Variants in ROBO2 observed in about 807,000 individuals in gnomAD.
ROBO2 encodes the protein roundabout homolog 2.
In ROBO2, 53 loss-of-function variants were observed where a neutral mutation model predicts 160.8. The observed-to-expected ratio is 0.33, with a 90% confidence interval of 0.26 to 0.41. The LOEUF (loss-of-function observed/expected upper bound fraction) is 0.41, where lower values mean the gene tolerates loss of function less well. ROBO2 is among the 10% of genes least tolerant of loss of function. The pLI, the probability that ROBO2 is intolerant of heterozygous loss-of-function variation, is 1.00. For synonymous variants in ROBO2, 664 were observed against 611.7 expected, an observed-to-expected ratio of 1.09 and a Z score of -1.26; for missense variants, 1,577 against 1,722.4, an observed-to-expected ratio of 0.92 and a Z score of 1.49.
At chr3:76,534,036 A>G (rs2082365087) in intron 2 of ROBO2, among the ~76,000 whole-genome samples, 3 of 152,158 alleles carry the variant, frequency 2.0e-5, no homozygotes, top group Admixed American at 6.5e-5. Context: ...CAGCTCAGAG[A>G]CCTAACATTC....
chr3:77,325,673 A>G (rs1287291171), intron 2 of ROBO2, among the ~76,000 whole-genome samples: 1 of 152,212 alleles, frequency 6.6e-6, no homozygotes, highest in Non-Finnish European at 1.5e-5. Context: ...GATAATGGAG[A>G]AAGAAAACTC....
chr3:76,555,381 G>GAAGAAGAAGAAGAAGAAGAA (rs2083673165), intron 2 of ROBO2, among the ~76,000 whole-genome samples: 1 of 60,058 alleles, frequency 1.7e-5, no homozygotes, highest in African/African-American at 3.2e-5. Flanking sequence ...AGAAGAAGAA[G>GAAGAAGAAGAAGAAGAAGAA]AAGAAGAAGA....
chr3:76,664,334 G>A (rs2091939637), intron 2 of ROBO2, among the ~76,000 whole-genome samples: 1 of 152,078 alleles, frequency 6.6e-6, no homozygotes, highest in Non-Finnish European at 1.5e-5. Context: ...TTCAAGGTGA[G>A]GGAAGAAAAA....
intron 2 of ROBO2, among the ~76,000 whole-genome samples, chr3:76,630,214 G>T (rs60493168): frequency 0.31 from 47,639 of 152,114 alleles, 8,446 homozygotes; most frequent in Middle Eastern, 0.42. Context: ...TCACAAAGAT[G>T]TGCATGTTAG....
rs927485858 is a variant in ROBO2, at chr3:77,408,935, T to C, written c.389-68479T>C. Among the ~76,000 whole-genome samples the C allele has an allele frequency of 5.3e-5, 8 of 152,062 alleles. No homozygotes were observed. In the East Asian group the frequency reaches 1.5e-3, roughly 29 times the overall value. On this transcript the variant is annotated intron_variant, in intron 2 of 25. Transcript: ENST00000461745. ...TTTTTATAGAGGTAGGTCCTTGCTT[T>C]GTTGCCCAGGCTAGTCTCAAACTCA...
chr3:76,051,417 T>C (rs1012063766), intron 2 of ROBO2, among the ~76,000 whole-genome samples: 27 of 152,154 alleles, frequency 1.8e-4, no homozygotes, highest in African/African-American at 6.0e-4. Flanking sequence ...CACATGTATA[T>C]TACACATGGA....
chr3:76,212,859 T>TCTCTCG (rs1403576647), intron 2 of ROBO2, among the ~76,000 whole-genome samples: 14 of 151,250 alleles, frequency 9.3e-5, no homozygotes, highest in Non-Finnish European at 1.8e-4. Flanking sequence ...TCTCTCTCTC[T>TCTCTCG]CTCTCAGTTT....
At position 77,099,245 on chromosome 3, in the gene ROBO2, AGTAGAGACGGG is replaced by A. The variant is rs1381948208; in HGVS notation, c.388+908_388+918del. Among the ~76,000 whole-genome samples the A allele has an allele frequency of 2.0e-5, 3 of 151,810 alleles. No individual in the cohort carries two copies. The East Asian group carries it at 5.9e-4, about 30-fold the overall frequency. On this transcript the variant is annotated intron_variant, in intron 2 of 25. Transcript: ENST00000461745. ...AGGCCCAGCTAATTTTTGTATTTTT[AGTAGAGACGGG>A]GTTTCACCGTGTTGCCCAGGCTGGT...
At chr3:76,624,314 G>C (rs903589434) in intron 2 of ROBO2, among the ~76,000 whole-genome samples, 2 of 152,124 alleles carry the variant, frequency 1.3e-5, no homozygotes, top group African/African-American at 4.8e-5. Flanking sequence ...TCTCAGCTGA[G>C]TCCCTTCCGG....
chr3:76,537,800 G>A (rs959973342), intron 2 of ROBO2, among the ~76,000 whole-genome samples: 2 of 152,252 alleles, frequency 1.3e-5, no homozygotes, highest in African/African-American at 4.8e-5. Context: ...AGATAGGGGA[G>A]GGGCAGCTTT....
intron 2 of ROBO2, among the ~76,000 whole-genome samples, chr3:76,108,382 C>T (rs1472146655): frequency 1.3e-5 from 2 of 151,922 alleles, no homozygotes; most frequent in Non-Finnish European, 2.9e-5. Flanking sequence ...CATTGAATAT[C>T]ATCACTGTAA....
chr3:77,188,275 T>C (rs1204019030), intron 2 of ROBO2, among the ~76,000 whole-genome samples: 1 of 144,650 alleles, frequency 6.9e-6, no homozygotes, highest in Non-Finnish European at 1.5e-5. Flanking sequence ...AATTAATGTA[T>C]AGGATATTTT....
At chr3:77,277,092 AG>A (rs1385876679) in intron 2 of ROBO2, among the ~76,000 whole-genome samples, 2 of 151,806 alleles carry the variant, frequency 1.3e-5, no homozygotes, top group Admixed American at 6.6e-5. Flanking sequence ...AAAAAGAAAA[AG>A]AGAGAGAGAG....
At chr3:77,455,921 T>C (rs1420736291) in intron 2 of ROBO2, among the ~76,000 whole-genome samples, 1 of 152,214 alleles carries the variant, frequency 6.6e-6, no homozygotes, top group Non-Finnish European at 1.5e-5. Context: ...CAGTTAAATA[T>C]TCCTAAATGT....
At chr3:76,187,764 T>G (rs1181165079) in intron 2 of ROBO2, among the ~76,000 whole-genome samples, 2 of 152,116 alleles carry the variant, frequency 1.3e-5, no homozygotes, top group East Asian at 3.9e-4. Context: ...TATGTCCACC[T>G]CTTTTTACCT....
intron 2 of ROBO2, among the ~76,000 whole-genome samples, chr3:77,006,351 G>C (rs1427836041): frequency 1.4e-5 from 2 of 147,492 alleles, no homozygotes; most frequent in Non-Finnish European, 3.0e-5. Flanking sequence ...GTTCAAGAAA[G>C]CTGTCTGATT....
chr3:76,642,341 CTTTTTTTTTTTTTTT>C (rs71104611), intron 2 of ROBO2, among the ~76,000 whole-genome samples: 1 of 62,230 alleles, frequency 1.6e-5, no homozygotes, highest in Non-Finnish European at 3.0e-5. Flanking sequence ...TTTACACTTG[CTTTTTTTTTTTTTTT>C]TTTTTTTTTT....
intron 19 of ROBO2, among the ~76,000 whole-genome samples, chr3:77,597,777 G>T (rs1000024929): frequency 3.3e-5 from 5 of 152,124 alleles, no homozygotes; most frequent in Non-Finnish European, 7.4e-5. Context: ...AAGAGACATT[G>T]ACCTACTTGA....
At chr3:76,832,577 C>T (rs982349241) in intron 2 of ROBO2, among the ~76,000 whole-genome samples, 5 of 152,052 alleles carry the variant, frequency 3.3e-5, no homozygotes, top group African/African-American at 1.2e-4. Context: ...TGGAGGTAGG[C>T]TTCTAGAATT....
Sources: gnomAD v4.1 joint callset for allele counts (sites outside exome capture counted in the v4.1 genomes callset) on GRCh38, gnomAD v4.1.1 for gene constraint, MANE v1.5 for transcripts, NCBI Gene and HGNC (gene_info 2026-07-23, HGNC 2026-07-21) for gene names.